Variants in ZFPM2 observed in about 807,000 individuals in gnomAD.
ZFPM2 encodes the protein zinc finger protein ZFPM2.
ZFPM2 carries 20 observed loss-of-function variants against 98.6 expected under a neutral mutation model. The observed-to-expected ratio is 0.20, with a 90% CI of 0.14 to 0.29. The LOEUF is 0.29. Ranked by LOEUF, ZFPM2 falls within the 10% of genes least tolerant of loss-of-function variation. The pLI is 1.00. For missense variants in ZFPM2, 1,310 were observed against 1,388.6 expected, an observed-to-expected ratio of 0.94 and a Z score of 0.90; for synonymous variants, 518 against 502.7, an observed-to-expected ratio of 1.03 and a Z score of -0.41.
intron 5 of ZFPM2, among the ~76,000 whole-genome samples, chr8:105,694,989 C>G (rs911519803): frequency 4.6e-5 from 7 of 151,992 alleles, no homozygotes; most frequent in Admixed American, 4.6e-4. Flanking sequence ...TTTAAGATAA[C>G]CCTCTAAAAC....
chr8:105,629,292 G>A (rs1456850197), intron 4 of ZFPM2, among the ~76,000 whole-genome samples: 2 of 152,200 alleles, frequency 1.3e-5, no homozygotes, highest in East Asian at 1.9e-4. Flanking sequence ...TGCGAGTCCT[G>A]TGAAGGGGTC....
intron 1 of ZFPM2, among the ~76,000 whole-genome samples, chr8:105,330,541 TATATATATATACATATATATATATATAC>T (rs1563606419): frequency 2.4e-5 from 2 of 82,470 alleles, no homozygotes; most frequent in Non-Finnish European, 4.8e-5. Context: ...TCTCTCTCTA[TATATATATATACATATATATATATATAC>T]ATATATATAT....
intron 4 of ZFPM2, among the ~76,000 whole-genome samples, chr8:105,578,804 A>C (rs1815523908): frequency 6.6e-6 from 1 of 152,146 alleles, no homozygotes; most frequent in African/African-American, 2.4e-5. Flanking sequence ...ATGCTTTTAG[A>C]ATAATGCTGT....
intron 1 of ZFPM2, among the ~76,000 whole-genome samples, chr8:105,330,633 C>CACATATATATATATACAT (rs1563607071): frequency 1.2e-4 from 10 of 85,450 alleles, no homozygotes; most frequent in South Asian, 7.1e-4. Context: ...TATATATATA[C>CACATATATATATATACAT]ATATATATAT....
chr8:105,646,249 C>G (rs1447849947), intron 5 of ZFPM2, among the ~76,000 whole-genome samples: 1 of 152,084 alleles, frequency 6.6e-6, no homozygotes, highest in Admixed American at 6.6e-5. Flanking sequence ...CTCCACAGAC[C>G]GGCCAGAACC....
At chr8:105,443,730 G>A (rs1812312468) in intron 2 of ZFPM2, among the ~76,000 whole-genome samples, 1 of 152,126 alleles carries the variant, frequency 6.6e-6, no homozygotes, top group East Asian at 1.9e-4. Flanking sequence ...ATTGTGAGGA[G>A]TTGAGTCACT....
chr8:105,774,415 G>T (rs1444648292), intron 5 of ZFPM2, among the ~76,000 whole-genome samples: 2 of 152,152 alleles, frequency 1.3e-5, no homozygotes, highest in Non-Finnish European at 2.9e-5. Flanking sequence ...CTTGGTCATT[G>T]TTCATCATAA....
At chr8:105,613,843 G>A (rs1242223665) in intron 4 of ZFPM2, among the ~76,000 whole-genome samples, 1 of 152,124 alleles carries the variant, frequency 6.6e-6, no homozygotes, top group Non-Finnish European at 1.5e-5. Flanking sequence ...AAAAGGCAAA[G>A]TTACATTTAT....
At chr8:105,759,232 C>T (rs1310591487) in intron 5 of ZFPM2, among the ~76,000 whole-genome samples, 1 of 151,988 alleles carries the variant, frequency 6.6e-6, no homozygotes, top group Non-Finnish European at 1.5e-5. Context: ...AGTGTACTAG[C>T]CTTTTAATTT....
intron 4 of ZFPM2, among the ~76,000 whole-genome samples, chr8:105,607,979 G>T (rs1389042694): frequency 6.6e-6 from 1 of 151,950 alleles, no homozygotes; most frequent in Non-Finnish European, 1.5e-5. Flanking sequence ...AAGAAAATTT[G>T]GTACATATGG....
chr8:105,419,433 T>TTTTTTTTTTTTTTGAG, intron 2 of ZFPM2, 131 bp downstream of exon 2: 1 of 1,140,024 alleles, frequency 8.8e-7, no homozygotes, highest in Non-Finnish European at 1.2e-6. Flanking sequence ...CAGATTTTTT[T>TTTTTTTTTTTTTTGAG]AAACATAAAA....
chr8:105,334,987 G>A (rs1359797224), intron 1 of ZFPM2, among the ~76,000 whole-genome samples: 2 of 151,614 alleles, frequency 1.3e-5, no homozygotes, highest in African/African-American at 4.8e-5. Flanking sequence ...GGTTTGAAAG[G>A]ATGCCCCTGA....
chr8:105,571,054 C>T (rs546462859), intron 4 of ZFPM2, among the ~76,000 whole-genome samples: 1 of 152,212 alleles, frequency 6.6e-6, no homozygotes, highest in Admixed American at 6.5e-5. Context: ...ATAAGATGAT[C>T]AAAGCTGATC....
At position 105,677,704 on chromosome 8, in the gene ZFPM2, G is replaced by GA. The variant is rs141428962; in HGVS notation, c.532+43357dup. ...ATTATTTTTCAGTGCAAAAACATAA[G>GA]AAAAAAAAAATAAAGTCTAAATGTG... On this transcript the variant is annotated intron_variant, in intron 5 of 7. Transcript: ENST00000407775. Among the ~76,000 whole-genome samples, 1,339 of 146,066 alleles carry GA rather than the reference G, an allele frequency of 9.2e-3. 23 individuals are homozygous for GA. Among genetic ancestry groups the GA allele is most frequent in the African/African-American group, 0.03 (1,203 of 39,806 alleles).
At chr8:105,775,820 T>C (rs76565984) in intron 5 of ZFPM2, among the ~76,000 whole-genome samples, 1 of 152,264 alleles carries the variant, frequency 6.6e-6, no homozygotes, top group Non-Finnish European at 1.5e-5. Flanking sequence ...TGCACAGGCC[T>C]TTTCCTGTTG....
At chr8:105,615,368 T>C (rs1816392335) in intron 4 of ZFPM2, among the ~76,000 whole-genome samples, 1 of 151,980 alleles carries the variant, frequency 6.6e-6, no homozygotes, top group Non-Finnish European at 1.5e-5. Flanking sequence ...AAACTCTGAG[T>C]TTGTAGTTTT....
In ZFPM2 at chr8:105,505,371, T is replaced by G. The variant is rs550561495; in HGVS notation, c.302-55992T>G. On this transcript the variant is annotated intron_variant, in intron 3 of 7. Transcript: ENST00000407775. ...TAAGAACTGCAACTTTGAGTCACAT[T>G]GATTTAGGTCTAGAGAAACACACAC... 7.9e-5 allele frequency among the ~76,000 whole-genome samples: 12 copies of G among 152,258 alleles called. No individual in the cohort carries two copies. The East Asian group carries it at 1.2e-3, about 15-fold the overall frequency.
chr8:105,399,243 T>G (rs1811285720), intron 1 of ZFPM2, among the ~76,000 whole-genome samples: 1 of 152,196 alleles, frequency 6.6e-6, no homozygotes, highest in African/African-American at 2.4e-5. Context: ...ATGTAATTTA[T>G]ATCCTGTGAC....
At chr8:105,587,345 A>G (rs1167520247) in intron 4 of ZFPM2, among the ~76,000 whole-genome samples, 2 of 152,030 alleles carry the variant, frequency 1.3e-5, no homozygotes, top group East Asian at 1.9e-4. Context: ...TATACGGAAT[A>G]AAAGTGAAGA....
Sources: gnomAD v4.1 joint callset for allele counts (sites outside exome capture counted in the v4.1 genomes callset) on GRCh38, gnomAD v4.1.1 for gene constraint, MANE v1.5 for transcripts, NCBI Gene and HGNC (gene_info 2026-07-23, HGNC 2026-07-21) for gene names.